SLCO2B1: variants seen among roughly 807,000 people sequenced by gnomAD.
SLCO2B1 encodes solute carrier organic anion transporter family member 2B1.
Under a neutral mutation model 67.3 loss-of-function variants are expected in SLCO2B1, and 41 were observed. The observed-to-expected ratio is 0.61, with a 90% confidence interval of 0.47 to 0.79. The LOEUF (loss-of-function observed/expected upper bound fraction) is 0.79. SLCO2B1 is among the 30% of genes least tolerant of loss of function. The pLI, the probability that SLCO2B1 is intolerant of heterozygous loss-of-function variation, is 0.00. For missense variants in SLCO2B1, 837 were observed against 920.1 expected (o/e 0.91, Z 1.17); for synonymous variants, 379 against 381.4 (o/e 0.99, Z 0.07).
chr11:75,180,144 A>G (rs961534677), intron 7 of SLCO2B1, among the ~76,000 whole-genome samples: 3 of 152,086 alleles, frequency 2.0e-5, no homozygotes, highest in Non-Finnish European at 4.4e-5. Context: ...CAGCCTCCCA[A>G]GTAGCTGGAA....
intron 3 of SLCO2B1, 137 bp downstream of exon 3, chr11:75,164,237 G>T: frequency 1.1e-6 from 1 of 945,438 alleles, no homozygotes; most frequent in Non-Finnish European, 1.5e-6. Flanking sequence ...CCCAGCGCCT[G>T]CCTGAAACCT....
chr11:75,166,690 T>A (rs142505819), intron 4 of SLCO2B1, among the ~76,000 whole-genome samples: 30 of 152,044 alleles, frequency 2.0e-4, no homozygotes, highest in South Asian at 6.3e-4. Flanking sequence ...CGCAACAAAC[T>A]CTTAATGCTG....
At chr11:75,203,264 G>T in intron 12 of SLCO2B1, 43 bp from the exon 13 acceptor site, 1 of 1,604,716 alleles carries the variant, frequency 6.2e-7, no homozygotes, top group Non-Finnish European at 8.5e-7. Flanking sequence ...GGGCAGGGTA[G>T]GACGGTGGGC....
At position 75,189,468 on chromosome 11, in the gene SLCO2B1, T is replaced by C. The variant is rs75979040; in HGVS notation, c.1075+1230T>C. Among the ~76,000 whole-genome samples, 680 of 152,336 alleles carry C rather than the reference T, an allele frequency of 4.5e-3. 2 individuals carry two copies. The highest frequency in any genetic ancestry group is 0.014 in the African/African-American group (570 of 41,580). On this transcript the variant is annotated intron_variant, in intron 8 of 13. Transcript: ENST00000289575. ...ATGCTATTAAAAAAAACTGTACTTATATATAAGGTACAATTATTTCAATTA... is the reference window on the plus strand; with the variant it reads ...ATGCTATTAAAAAAAACTGTACTTACATATAAGGTACAATTATTTCAATTA...
At chr11:75,182,962 T>C (rs984110292) in intron 7 of SLCO2B1, among the ~76,000 whole-genome samples, 5 of 152,110 alleles carry the variant, frequency 3.3e-5, no homozygotes, top group Non-Finnish European at 5.9e-5. Context: ...GCACTCTCTC[T>C]CAGCTGTCCA....
intron 7 of SLCO2B1, among the ~76,000 whole-genome samples, chr11:75,181,274 G>A (rs1487695533): frequency 6.6e-6 from 1 of 151,300 alleles, no homozygotes; most frequent in East Asian, 1.9e-4. Flanking sequence ...GGAGGCTGAG[G>A]CAGGAGAATC....
chr11:75,202,849 T>C (rs1020155834), intron 11 of SLCO2B1, 52 bp from the exon 12 acceptor site: 47 of 1,526,532 alleles, frequency 3.1e-5, no homozygotes, highest in Non-Finnish European at 4.0e-5. Context: ...TGCATGGCCC[T>C]TGGGGGCTGG....
Position 75,193,489 on chromosome 11 carries a change from G to C in SLCO2B1, c.1347G>C (p.Gly449=). ...PVGCGALCLL[G]MLLCLFFSLP... is the part of the protein sequence containing the mutation. ...GATGCGGTGCCCTTTGCCTGCTGGG[G>C]ATGCTGCTGTGCCTCTTCTTCAGCC... Residue 449 remains glycine (G), a synonymous_variant, in exon 9 of 14, where the codon GGG becomes GGC. Transcript: ENST00000289575. The surrounding 1 kb of genome is among the most constrained non-coding windows in gnomAD (Gnocchi z 4.2). The C allele has an allele frequency of 6.2e-7, 1 of 1,610,044 alleles. No homozygotes were observed. Among genetic ancestry groups the C allele is most frequent in the Non-Finnish European group, 8.5e-7 (1 of 1,177,354 alleles).
At position 75,171,321 on chromosome 11, in the gene SLCO2B1, A is replaced by G. The variant is rs570559661; in HGVS notation, c.782-1058A>G. 7.2e-5 allele frequency among the ~76,000 whole-genome samples: 11 copies of G among 152,174 alleles called. No homozygotes were observed. In the East Asian group the frequency reaches 9.7e-4, roughly 13 times the overall value. ...ACTCTGCCCCTCATGCAGTGGCACAATCCTAGCTTACTGCAGCCTTGGATG... is the reference window on the plus strand; with the variant it reads ...ACTCTGCCCCTCATGCAGTGGCACAGTCCTAGCTTACTGCAGCCTTGGATG... On this transcript the variant is annotated intron_variant, in intron 6 of 13. Coordinates refer to ENST00000289575, the MANE Select transcript of SLCO2B1 (RefSeq NM_007256.5).
At chr11:75,183,802 G>GT in intron 7 of SLCO2B1, among the ~76,000 whole-genome samples, 1 of 152,324 alleles carries the variant, frequency 6.6e-6, no homozygotes, top group African/African-American at 2.4e-5. Context: ...GGAATTACAG[G>GT]TGAGAGCTCA....
At chr11:75,182,172 A>G (rs573051302) in intron 7 of SLCO2B1, among the ~76,000 whole-genome samples, 9 of 152,124 alleles carry the variant, frequency 5.9e-5, no homozygotes, top group Middle Eastern at 3.4e-3. Flanking sequence ...CAAACCCCAA[A>G]GCTCACTTCT....
intron 9 of SLCO2B1, among the ~76,000 whole-genome samples, chr11:75,195,759 G>A (rs770679910): frequency 6.6e-6 from 1 of 152,310 alleles, no homozygotes; most frequent in South Asian, 2.1e-4. Flanking sequence ...CAGCCTCTCT[G>A]GGCCTCTGTC....
intron 10 of SLCO2B1, chr11:75,199,799 C>T (rs1945154551): frequency 6.2e-6 from 1 of 161,184 alleles, no homozygotes; most frequent in Admixed American, 6.4e-5. Flanking sequence ...GATCACTTCG[C>T]AGAGTCCTTG....
At chr11:75,196,928 C>T (rs1945109938) in intron 10 of SLCO2B1, among the ~76,000 whole-genome samples, 1 of 152,156 alleles carries the variant, frequency 6.6e-6, no homozygotes, top group Non-Finnish European at 1.5e-5. Context: ...TCAGGAGTTC[C>T]AGACTGGTGA....
intron 8 of SLCO2B1, among the ~76,000 whole-genome samples, chr11:75,190,722 A>C (rs1264676182): frequency 6.6e-6 from 1 of 152,142 alleles, no homozygotes; most frequent in Non-Finnish European, 1.5e-5. Flanking sequence ...TAATTGGAAG[A>C]AGCATAGTCC....
chr11:75,196,135 T>TA (rs1945093752), intron 9 of SLCO2B1: 1 of 196,844 alleles, frequency 5.1e-6, no homozygotes, highest in African/African-American at 2.4e-5. Context: ...CCCACACTCA[T>TA]AGCTCTGATT....
intron 4 of SLCO2B1, 75 bp from the exon 5 acceptor site, chr11:75,169,098 C>T (rs905803694): frequency 5.7e-6 from 7 of 1,222,864 alleles, no homozygotes; most frequent in Non-Finnish European, 7.9e-6. Context: ...GCACTTAGAA[C>T]AGTACCTTCC....
Position 75,188,369 on chromosome 11 carries a change from C to T in SLCO2B1, c.1075+131C>T. The T allele has an allele frequency of 9.4e-6, 6 of 639,978 alleles. No homozygotes were observed. The South Asian group carries it at 1.1e-4, about 12-fold the overall frequency. 39.6% of individuals were successfully genotyped at this position (639,978 alleles called of 1,614,324 possible). A position where few individuals can be genotyped will look rare whatever the true frequency, so the allele number is the denominator to read the frequency against. Reference sequence around the variant, plus strand: ...AGACCCCTCATGAGCACCATCTACTCCTTGTGAGTCTTTGCACATGCAATC... The same window carrying T: ...AGACCCCTCATGAGCACCATCTACTTCTTGTGAGTCTTTGCACATGCAATC... On this transcript the variant is annotated intron_variant, in intron 8 of 13. Coordinates refer to ENST00000289575, the MANE Select transcript of SLCO2B1 (RefSeq NM_007256.5).
chr11:75,163,977 C>T lies in SLCO2B1; in HGVS notation c.162C>T (p.Cys54=). 3 of 1,601,768 alleles carry T rather than the reference C, an allele frequency of 1.9e-6. No homozygotes were observed. The highest frequency in any genetic ancestry group is 1.7e-6 in the Non-Finnish European group (2 of 1,174,456). The change falls in exon 3 of 14, where the codon TGC becomes TGT. Residue 54 remains cysteine (C), a synonymous_variant. Coordinates refer to ENST00000289575, the MANE Select transcript of SLCO2B1 (RefSeq NM_007256.5). ...VFHNIKLFVL[C]HSLLQLAQLM... ...TCCCCCCACAGCTGTTCGTTCTGTG[C>T]CACAGCCTGCTGCAGCTGGCGCAGC...
Sources: allele counts gnomAD v4.1 joint callset (sites outside exome capture counted in the v4.1 genomes callset), GRCh38; gene constraint gnomAD v4.1.1; non-coding constraint Gnocchi (gnomAD v3.1); transcripts MANE v1.5; gene names NCBI Gene and HGNC (gene_info 2026-07-23, HGNC 2026-07-21).